DPP6: variants seen among roughly 807,000 people sequenced by gnomAD.
DPP6 encodes the protein dipeptidyl peptidase like 6.
DPP6 carries 69 observed loss-of-function variants against 122.6 expected under a neutral mutation model. That is an observed-to-expected ratio of 0.56 (90% CI 0.46 to 0.69). The LOEUF (loss-of-function observed/expected upper bound fraction) is 0.69. Ranked by LOEUF, DPP6 falls within the 30% of genes least tolerant of loss-of-function variation. DPP6 has a pLI of 0.00. For missense variants in DPP6, 928 were observed against 1,116.9 expected (o/e 0.83, Z 2.41); for synonymous variants, 418 against 433.1 (o/e 0.97, Z 0.43).
At chr7:154,664,613 T>C (rs1410779324) in intron 6 of DPP6, among the ~76,000 whole-genome samples, 1 of 151,900 alleles carries the variant, frequency 6.6e-6, no homozygotes, top group East Asian at 1.9e-4. Flanking sequence ...TGTTTGTTCA[T>C]AGGCACATAA....
the DPP6 span, among the ~76,000 whole-genome samples, chr7:153,878,368 C>T: frequency 6.7e-6 from 1 of 148,960 alleles, no homozygotes; most frequent in Middle Eastern, 3.2e-3. Flanking sequence ...TATGTTAGTG[C>T]CTATCCAAGC....
intron 8 of DPP6, among the ~76,000 whole-genome samples, chr7:154,766,980 C>A (rs1795942881): frequency 6.6e-6 from 1 of 152,286 alleles, no homozygotes; most frequent in Admixed American, 6.5e-5. Flanking sequence ...TTGCACGTGG[C>A]CGATGATTTA....
At chr7:153,840,560 A>G in the DPP6 span, among the ~76,000 whole-genome samples, 1 of 152,168 alleles carries the variant, frequency 6.6e-6, no homozygotes, top group Non-Finnish European at 1.5e-5. Flanking sequence ...CACTAAATCA[A>G]AGTTTTAGCT....
At chr7:154,672,404 C>T (rs1563087674) in intron 7 of DPP6, among the ~76,000 whole-genome samples, 2 of 152,138 alleles carry the variant, frequency 1.3e-5, no homozygotes, top group African/African-American at 2.4e-5. Flanking sequence ...TGTCTGGTGC[C>T]CAGTACACAT....
intron 10 of DPP6, among the ~76,000 whole-genome samples, chr7:154,781,449 G>A (rs1797024734): frequency 6.6e-6 from 1 of 152,172 alleles, no homozygotes; most frequent in Admixed American, 6.5e-5. Flanking sequence ...GAAGGGACAG[G>A]CAGCATGGTC....
chr7:154,536,242 A>G (rs965572770), intron 3 of DPP6, among the ~76,000 whole-genome samples: 3 of 152,202 alleles, frequency 2.0e-5, no homozygotes, highest in Non-Finnish European at 4.4e-5. Flanking sequence ...TAGGAGAGGC[A>G]AAACTACATA....
intron 1 of DPP6, among the ~76,000 whole-genome samples, chr7:154,219,237 G>T (rs1367274553): frequency 6.6e-6 from 1 of 152,158 alleles, no homozygotes; most frequent in Non-Finnish European, 1.5e-5. Flanking sequence ...TCAGGATGAT[G>T]GACATCTAGA....
intron 7 of DPP6, among the ~76,000 whole-genome samples, chr7:154,689,078 C>T (rs970792631): frequency 3.9e-5 from 6 of 152,188 alleles, no homozygotes; most frequent in Non-Finnish European, 7.4e-5. Flanking sequence ...CTCAACTCTG[C>T]CTTATTTCCT....
chr7:153,977,198 G>GGTGTGT (rs55750679), intron 1 of DPP6, among the ~76,000 whole-genome samples: 4,089 of 149,700 alleles, frequency 0.027, 56 homozygotes, highest in East Asian at 0.041. Flanking sequence ...TACCAATAGG[G>GGTGTGT]GTGTGTGTGT....
At chr7:153,869,467 A>G in the DPP6 span, among the ~76,000 whole-genome samples, 1 of 152,152 alleles carries the variant, frequency 6.6e-6, no homozygotes, top group Non-Finnish European at 1.5e-5. Flanking sequence ...AGAGACTAAG[A>G]TTGCAACCCC....
chr7:153,922,010 G>A (rs993075685), intron 1 of DPP6, among the ~76,000 whole-genome samples: 1 of 152,318 alleles, frequency 6.6e-6, no homozygotes, highest in African/African-American at 2.4e-5. Context: ...TATCAGAGCC[G>A]ACGGCTTTGC....
rs140751339 is a variant in DPP6 at position 154,859,730 on chromosome 7, T to G, written c.1714+5903T>G. 5.4e-3 allele frequency among the ~76,000 whole-genome samples: 826 copies of G among 152,278 alleles called. 10 individuals carry two copies. The highest frequency in any genetic ancestry group is 0.018 in the African/African-American group (765 of 41,542). ...CTATACTCATTTGGTGCCTGGATAT[T>G]CAAACAAACAACTTAGGTACTGGGA... On this transcript the variant is annotated intron_variant, in intron 17 of 25. Coordinates refer to ENST00000377770, the MANE Select transcript of DPP6 (RefSeq NM_130797.4).
intron 7 of DPP6, among the ~76,000 whole-genome samples, chr7:154,698,658 A>T (rs548940281): frequency 4.7e-4 from 72 of 152,344 alleles, no homozygotes; most frequent in African/African-American, 1.6e-3. Flanking sequence ...AATACCAGTG[A>T]TATCTTTCTT....
chr7:154,251,454 G>A (rs1802345750), intron 1 of DPP6, among the ~76,000 whole-genome samples: 1 of 152,200 alleles, frequency 6.6e-6, no homozygotes, highest in South Asian at 2.1e-4. Context: ...GGGTTCTCTA[G>A]AGGGACAGAA....
chr7:153,892,747 C>T (rs1248669254), intron 1 of DPP6, among the ~76,000 whole-genome samples: 2 of 152,040 alleles, frequency 1.3e-5, no homozygotes, highest in Non-Finnish European at 2.9e-5. Flanking sequence ...TAAATGGGAG[C>T]AGTGTAGCAC....
rs1418235094 is a variant in DPP6, at chr7:154,876,087, A to G, written c.2065A>G (p.Met689Val). 1.3e-6 allele frequency: 2 copies of G among 1,597,734 alleles called. No homozygotes were observed. The highest frequency in any genetic ancestry group is 2.2e-5 in the East Asian group (1 of 44,702). ...RLGLLEEKDQMEAVRTMLKEQ... is the reference protein window; with the variant it reads ...RLGLLEEKDQVEAVRTMLKEQ... The stretch of plus-strand genomic sequence containing the variant: ...GGGCTTGCTGGAGGAGAAGGACCAG[A>G]TGGAGGCCGTGCGGTGAGCACCCGC... The change falls in exon 20 of 26, where the codon ATG (methionine) becomes GTG (valine). Residue 689 changes from methionine (M) to valine (V), a missense_variant. Coordinates refer to ENST00000377770, the MANE Select transcript of DPP6 (RefSeq NM_130797.4).
intron 7 of DPP6, among the ~76,000 whole-genome samples, chr7:154,706,404 C>T (rs988247007): frequency 1.3e-5 from 2 of 152,212 alleles, no homozygotes; most frequent in Non-Finnish European, 2.9e-5. Flanking sequence ...AGACAAGACC[C>T]TCAGGGTGCC....
At chr7:154,127,654 C>CACACACACACACACACACACAG (rs1808029544) in intron 1 of DPP6, among the ~76,000 whole-genome samples, 2 of 140,698 alleles carry the variant, frequency 1.4e-5, no homozygotes, top group African/African-American at 5.3e-5. Context: ...CACACACAGA[C>CACACACACACACACACACACAG]ACACACACAC....
At chr7:154,360,168 T>C (rs550200816) in intron 1 of DPP6, among the ~76,000 whole-genome samples, 47 of 152,326 alleles carry the variant, frequency 3.1e-4, no homozygotes, top group Non-Finnish European at 6.0e-4. Flanking sequence ...GTTGGAATAG[T>C]GTGTTATATT....
Sources: gnomAD v4.1 joint callset for allele counts (sites outside exome capture counted in the v4.1 genomes callset) on GRCh38, gnomAD v4.1.1 for gene constraint, MANE v1.5 for transcripts, NCBI Gene and HGNC (gene_info 2026-07-23, HGNC 2026-07-21) for gene names.